The following EYS variants were observed in gnomAD, a reference collection of about 807,000 sequenced individuals.
EYS encodes protein eyes shut homolog.
In EYS, 250 loss-of-function variants were observed where a neutral mutation model predicts 282.1. The observed-to-expected ratio is 0.89, with a 90% CI of 0.80 to 0.98. The LOEUF (loss-of-function observed/expected upper bound fraction) is 0.98. EYS is among the 50% of genes least tolerant of loss of function. The pLI is 0.00. For missense variants in EYS, 4,016 were observed against 3,709.0 expected (o/e 1.08, Z -2.15); for synonymous variants, 1,355 against 1,282.9 (o/e 1.06, Z -1.20).
intron 22 of EYS, among the ~76,000 whole-genome samples, chr6:64,811,978 A>C (rs2150015131): frequency 6.6e-6 from 1 of 152,270 alleles, no homozygotes; most frequent in African/African-American, 2.4e-5. Context: ...TTTATTGAAC[A>C]AAATGTATTT....
intron 31 of EYS, among the ~76,000 whole-genome samples, chr6:64,132,953 T>C (rs937270510): frequency 2.6e-5 from 4 of 151,990 alleles, no homozygotes; most frequent in Middle Eastern, 3.2e-3. Context: ...TTTTTATGTT[T>C]ATATGTAAGT....
chr6:65,598,139 C>CAAAA (rs1765474951), intron 2 of EYS, among the ~76,000 whole-genome samples: 1 of 150,318 alleles, frequency 6.7e-6, no homozygotes, highest in African/African-American at 2.4e-5. Context: ...AACAAACAAA[C>CAAAA]AAACTCTATT....
intron 13 of EYS, among the ~76,000 whole-genome samples, chr6:65,037,973 C>T (rs1217203482): frequency 2.0e-5 from 3 of 151,588 alleles, no homozygotes; most frequent in African/African-American, 4.8e-5. Context: ...GCAGTTCCTC[C>T]TCCAACAGTG....
intron 12 of EYS, among the ~76,000 whole-genome samples, chr6:65,094,450 T>C (rs35742087): frequency 0.022 from 3,393 of 150,876 alleles, 38 homozygotes; most frequent in African/African-American, 0.028. Context: ...CACAGAATAA[T>C]CTTTGGAACA....
intron 29 of EYS, among the ~76,000 whole-genome samples, chr6:64,344,791 T>C (rs1168005091): frequency 6.6e-6 from 1 of 152,094 alleles, no homozygotes; most frequent in African/African-American, 2.4e-5. Flanking sequence ...ATTTTATATC[T>C]AGAAAACCCC....
chr6:64,793,176 T>G (rs745662841), intron 22 of EYS, among the ~76,000 whole-genome samples: 2 of 152,086 alleles, frequency 1.3e-5, no homozygotes, highest in Non-Finnish European at 2.9e-5. Flanking sequence ...AAATGATTCT[T>G]TACTGGATAT....
chr6:65,071,414 T>C (rs563551900), intron 12 of EYS, among the ~76,000 whole-genome samples: 1 of 151,904 alleles, frequency 6.6e-6, no homozygotes, highest in East Asian at 1.9e-4. Context: ...CTATTCCATA[T>C]TATAAATGGA....
chr6:64,083,034 A>C (rs938468388), intron 31 of EYS, among the ~76,000 whole-genome samples: 6 of 151,754 alleles, frequency 4.0e-5, no homozygotes, highest in Non-Finnish European at 8.8e-5. Flanking sequence ...TCAGCCTCTG[A>C]AGTAATTGGG....
At chr6:64,372,416 C>T (rs74775424) in intron 29 of EYS, among the ~76,000 whole-genome samples, 4,820 of 152,138 alleles carry the variant, frequency 0.032, 236 homozygotes, top group African/African-American at 0.11. Flanking sequence ...TGCTGTTAGC[C>T]TGACAGGGTA....
chr6:64,913,446 T>C (rs1415449902), intron 15 of EYS, among the ~76,000 whole-genome samples: 1 of 152,076 alleles, frequency 6.6e-6, no homozygotes, highest in Non-Finnish European at 1.5e-5. Context: ...CTCTATTGTT[T>C]CCATCTTTAT....
chr6:64,741,418 G>A (rs1183322876), intron 22 of EYS, among the ~76,000 whole-genome samples: 1 of 152,062 alleles, frequency 6.6e-6, no homozygotes. Context: ...TAATTCTTAA[G>A]GGCCTTACGA....
intron 12 of EYS, among the ~76,000 whole-genome samples, chr6:65,236,816 A>G (rs1427974502): frequency 1.3e-5 from 2 of 152,166 alleles, no homozygotes; most frequent in Non-Finnish European, 2.9e-5. Flanking sequence ...TCGTCACAGC[A>G]ACTTAGGACC....
intron 12 of EYS, among the ~76,000 whole-genome samples, chr6:65,113,623 CT>C (rs1228438120): frequency 6.6e-6 from 1 of 152,012 alleles, no homozygotes; most frequent in Non-Finnish European, 1.5e-5. Flanking sequence ...TGCTTAACTT[CT>C]TTCTTCATGC....
intron 22 of EYS, among the ~76,000 whole-genome samples, chr6:64,636,486 C>G (rs1027681759): frequency 2.6e-5 from 4 of 152,040 alleles, no homozygotes; most frequent in African/African-American, 9.7e-5. Context: ...CCATAAAAAC[C>G]CTAGAAGAAA....
At chr6:64,458,073 T>G (rs1775613668) in intron 26 of EYS, among the ~76,000 whole-genome samples, 1 of 152,058 alleles carries the variant, frequency 6.6e-6, no homozygotes, top group African/African-American at 2.4e-5. Flanking sequence ...ACACTTTGAC[T>G]CCATTTACGG....
At chr6:64,842,567 C>T (rs1765594377) in intron 19 of EYS, among the ~76,000 whole-genome samples, 1 of 151,690 alleles carries the variant, frequency 6.6e-6, no homozygotes, top group Non-Finnish European at 1.5e-5. Flanking sequence ...TGTTGAATGG[C>T]TTTGACAAAA....
chr6:64,933,586 G>A (rs994317108), intron 15 of EYS, among the ~76,000 whole-genome samples: 41 of 152,070 alleles, frequency 2.7e-4, no homozygotes, highest in Non-Finnish European at 1.5e-5. Flanking sequence ...GATTCCTCAA[G>A]GATCTAGAAC....
At chr6:63,872,784 A>C (rs1772847713) in intron 35 of EYS, among the ~76,000 whole-genome samples, 1 of 151,964 alleles carries the variant, frequency 6.6e-6, no homozygotes, top group African/African-American at 2.4e-5. Flanking sequence ...GGCCCACCTA[A>C]AATATTTAAT....
At chr6:64,395,433 C>A (rs2150431901) in intron 28 of EYS, among the ~76,000 whole-genome samples, 1 of 152,240 alleles carries the variant, frequency 6.6e-6, no homozygotes, top group East Asian at 1.9e-4. Context: ...ACATATACAC[C>A]ATGGAATACT....
Sources: gnomAD v4.1 joint callset for allele counts (sites outside exome capture counted in the v4.1 genomes callset) on GRCh38, gnomAD v4.1.1 for gene constraint, MANE v1.5 for transcripts, NCBI Gene and HGNC (gene_info 2026-07-23, HGNC 2026-07-21) for gene names.